SERINC5: variants seen among roughly 807,000 people sequenced by gnomAD.
SERINC5 encodes the protein serine incorporator 5.
SERINC5 carries 41 observed loss-of-function variants against 63.1 expected under a neutral mutation model. That is an observed-to-expected ratio of 0.65 (90% CI 0.51 to 0.84). SERINC5 has a LOEUF of 0.84. Ranked by LOEUF, SERINC5 falls within the 40% of genes least tolerant of loss-of-function variation. The probability of loss-of-function intolerance (pLI) is 0.00; values close to 1 mark genes in which losing one functional copy is unlikely to be tolerated. For missense variants in SERINC5, 523 were observed against 573.0 expected (o/e 0.91, Z 0.89); for synonymous variants, 222 against 215.2 (o/e 1.03, Z -0.28).
intron 7 of SERINC5, among the ~76,000 whole-genome samples, chr5:80,159,904 T>C (rs1271103947): frequency 1.3e-5 from 2 of 152,172 alleles, no homozygotes; most frequent in African/African-American, 2.4e-5. Flanking sequence ...CCTTGCCTTA[T>C]ATATATTTTT....
chr5:80,239,963 G>A (rs1482426375), intron 1 of SERINC5, among the ~76,000 whole-genome samples: 1 of 152,166 alleles, frequency 6.6e-6, no homozygotes, highest in Non-Finnish European at 1.5e-5. Flanking sequence ...CTCTCCCTCA[G>A]ACAGCTAACA....
Position 80,138,982 on chromosome 5 carries a change from GA to G in SERINC5, c.*4680del. On this transcript the variant is annotated 3_prime_UTR_variant, in exon 12 of 12. Coordinates refer to ENST00000507668, the MANE Select transcript of SERINC5 (RefSeq NM_001174072.3). ...GCCTAGTCAATTCAGATGCTTTCTA[GA>G]AAAATTAACATTAAAAAACAAATAG... 2 of 979,658 alleles carry G rather than the reference GA, an allele frequency of 2.0e-6. No individual in the cohort carries two copies. Among genetic ancestry groups the G allele is most frequent in the Non-Finnish European group, 1.2e-6 (1 of 824,824 alleles). The allele number at this position is 979,658 out of a possible 1,614,324, so 60.7% of individuals were successfully genotyped here.
At chr5:80,111,415 A>T (rs1004502201), downstream of SERINC5, among the ~76,000 whole-genome samples, 1 of 152,254 alleles carries the variant, frequency 6.6e-6, no homozygotes, top group Non-Finnish European at 1.5e-5. Flanking sequence ...GTTACAGGAA[A>T]GCAAACAGTT....
downstream of SERINC5, among the ~76,000 whole-genome samples, chr5:80,135,752 G>A (rs1745143628): frequency 6.6e-6 from 1 of 151,726 alleles, no homozygotes; most frequent in South Asian, 2.1e-4. Context: ...AGAGATGGGG[G>A]CAATGATAGA....
intron 1 of SERINC5, among the ~76,000 whole-genome samples, chr5:80,240,667 T>A (rs1232972904): frequency 6.6e-6 from 1 of 152,342 alleles, no homozygotes; most frequent in East Asian, 1.9e-4. Flanking sequence ...AACATTTGTA[T>A]GATTAATTAA....
intron 2 of SERINC5, among the ~76,000 whole-genome samples, chr5:80,178,817 T>TA (rs1748227543): frequency 6.6e-6 from 1 of 151,820 alleles, no homozygotes; most frequent in South Asian, 2.1e-4. Flanking sequence ...AATTGGTGGG[T>TA]AGAGTATTTG....
downstream of SERINC5, among the ~76,000 whole-genome samples, chr5:80,137,159 A>AAAAAC (rs1276884373): frequency 1.9e-5 from 2 of 104,768 alleles, no homozygotes; most frequent in Admixed American, 1.9e-4. Flanking sequence ...AAAAAAAAAA[A>AAAAAC]AAAACAAAAA....
At chr5:80,250,594 G>A (rs1288133242) in intron 1 of SERINC5, among the ~76,000 whole-genome samples, 2 of 152,230 alleles carry the variant, frequency 1.3e-5, no homozygotes, top group Admixed American at 6.5e-5. Context: ...CCAAAGTGCT[G>A]GGATTATAGG....
rs1745527491 is a variant in SERINC5, at chr5:80,141,811, AATGG to A, written c.*1848_*1851del. ...GCTCCTGCCCTAAAAAAGGAAATTT[AATGG>A]AATTTACAAAACAAGGCTCTCTAAA... On this transcript the variant is annotated 3_prime_UTR_variant, in exon 12 of 12. Transcript: ENST00000507668. The A allele has an allele frequency of 1.7e-5, 17 of 985,426 alleles. No individual in the cohort carries two copies. The highest frequency in any genetic ancestry group is 2.0e-5 in the Non-Finnish European group (17 of 829,932). 61.0% of individuals were successfully genotyped at this position (985,426 alleles called of 1,614,324 possible).
At position 80,181,416 on chromosome 5, in the gene SERINC5, T is replaced by TGTGTGTGTGTGTG. The variant is rs1580124918; in HGVS notation, c.196-3353_196-3352insCACACACACACAC. On this transcript the variant is annotated intron_variant, in intron 2 of 11. Transcript: ENST00000507668. ...CATGCACCACCAAGCTCAGCTAATTTTGTGTGTGTGTGTGTGTGTGTGTGT... is the reference window on the plus strand; with the variant it reads ...CATGCACCACCAAGCTCAGCTAATTTGTGTGTGTGTGTGTGTGTGTGTGTGTGTGTGTGTGTGT... Among the ~76,000 whole-genome samples the TGTGTGTGTGTGTG allele has an allele frequency of 1.0e-4, 15 of 145,446 alleles. 1 individual carries two copies. The highest frequency in any genetic ancestry group is 7.0e-4 in the East Asian group (3 of 4,302).
chr5:80,232,806 G>T (rs748404415), intron 1 of SERINC5, among the ~76,000 whole-genome samples: 1 of 151,994 alleles, frequency 6.6e-6, no homozygotes, highest in Non-Finnish European at 1.5e-5. Context: ...AAAAAGGAAT[G>T]AAGTACTGAC....
At chr5:80,238,639 T>C (rs1343919195) in intron 1 of SERINC5, among the ~76,000 whole-genome samples, 1 of 151,840 alleles carries the variant, frequency 6.6e-6, no homozygotes, top group African/African-American at 2.4e-5. Context: ...AAAAATTTGC[T>C]GGGCGTGATG....
intron 1 of SERINC5, among the ~76,000 whole-genome samples, chr5:80,233,163 C>G (rs1028152146): frequency 6.6e-6 from 1 of 152,196 alleles, no homozygotes; most frequent in East Asian, 1.9e-4. Context: ...CAGTGGCTCA[C>G]GCCTGTAATC....
At chr5:80,169,652 C>T (rs57083424) in intron 5 of SERINC5, 106 bp from the exon 6 acceptor site, 4 of 787,562 alleles carry the variant, frequency 5.1e-6, no homozygotes, top group South Asian at 1.7e-5. Flanking sequence ...ACTAATGCTA[C>T]AGGCCACAGG....
At chr5:80,145,858 A>C (rs1368016203) in intron 11 of SERINC5, among the ~76,000 whole-genome samples, 1 of 152,166 alleles carries the variant, frequency 6.6e-6, no homozygotes, top group African/African-American at 2.4e-5. Context: ...AAAAATATAA[A>C]AATTAGCTAG....
chr5:80,159,498 G>A (rs1015062588), intron 7 of SERINC5, among the ~76,000 whole-genome samples: 11 of 151,872 alleles, frequency 7.2e-5, no homozygotes, highest in African/African-American at 2.2e-4. Flanking sequence ...GTCTTCATTC[G>A]CATTTACTTG....
At chr5:80,212,932 T>C (rs1429028258) in intron 1 of SERINC5, among the ~76,000 whole-genome samples, 1 of 152,110 alleles carries the variant, frequency 6.6e-6, no homozygotes, top group African/African-American at 2.4e-5. Context: ...TACAAAAGAA[T>C]ACATGGCAAC....
At chr5:80,234,943 A>T (rs183339234) in intron 1 of SERINC5, among the ~76,000 whole-genome samples, 1 of 152,210 alleles carries the variant, frequency 6.6e-6, no homozygotes, top group Non-Finnish European at 1.5e-5. Context: ...TGAAACACAC[A>T]TAACATTAAA....
chr5:80,122,531 T>C (rs947420425), intron 11 of SERINC5, among the ~76,000 whole-genome samples: 5 of 152,134 alleles, frequency 3.3e-5, no homozygotes, highest in Admixed American at 3.3e-4. Context: ...CCAATCAAGT[T>C]GACACTCAGT....
Sources: gnomAD v4.1 joint callset for allele counts (sites outside exome capture counted in the v4.1 genomes callset) on GRCh38, gnomAD v4.1.1 for gene constraint, MANE v1.5 for transcripts, NCBI Gene and HGNC (gene_info 2026-07-23, HGNC 2026-07-21) for gene names.